Variants in ANKRD55 observed in about 807,000 individuals in gnomAD.
ANKRD55 encodes ankyrin repeat domain-containing protein 55.
Under a neutral mutation model 60.6 loss-of-function variants are expected in ANKRD55, and 41 were observed. The ratio of observed to expected loss-of-function variants is 0.68; its 90% CI spans 0.53 to 0.88. ANKRD55 has a LOEUF of 0.88. Among genes scored for constraint, ANKRD55 ranks in the 40% least tolerant of loss-of-function variants. The probability of loss-of-function intolerance (pLI) is 0.00; values close to 1 mark genes in which losing one functional copy is unlikely to be tolerated. For synonymous variants in ANKRD55, 264 were observed against 290.3 expected (o/e 0.91, Z 0.92); for missense variants, 732 against 767.6 (o/e 0.95, Z 0.55).
At chr5:56,226,442 A>C (rs1760111697) in intron 2 of ANKRD55, among the ~76,000 whole-genome samples, 1 of 152,230 alleles carries the variant, frequency 6.6e-6, no homozygotes, top group African/African-American at 2.4e-5. Flanking sequence ...CACGTCTAAA[A>C]CACCAAAAGC....
At chr5:56,133,237 G>A (rs928774236) in intron 7 of ANKRD55, among the ~76,000 whole-genome samples, 9 of 137,632 alleles carry the variant, frequency 6.5e-5, no homozygotes, top group Admixed American at 1.4e-4. Flanking sequence ...TCGGGAGTTC[G>A]AGACCAGCCT....
intron 2 of ANKRD55, among the ~76,000 whole-genome samples, chr5:56,215,177 G>A (rs1003341650): frequency 6.6e-6 from 1 of 152,142 alleles, no homozygotes; most frequent in African/African-American, 2.4e-5. Context: ...ACTTGTTGCT[G>A]CATAGAACAA....
At chr5:56,171,935 GGT>G (rs1758617474) in intron 4 of ANKRD55, among the ~76,000 whole-genome samples, 1 of 152,134 alleles carries the variant, frequency 6.6e-6, no homozygotes, top group South Asian at 2.1e-4. Flanking sequence ...TGGCTAACAA[GGT>G]TGAAACCCCA....
chr5:56,228,314 G>A (rs947015338), intron 2 of ANKRD55, among the ~76,000 whole-genome samples: 8 of 152,090 alleles, frequency 5.3e-5, no homozygotes, highest in Admixed American at 2.6e-4. Context: ...GCACACAGAC[G>A]AGGCCAAGTG....
intron 2 of ANKRD55, among the ~76,000 whole-genome samples, chr5:56,209,360 C>T (rs563258794): frequency 6.6e-6 from 1 of 152,024 alleles, no homozygotes; most frequent in South Asian, 2.1e-4. Context: ...CTCAGCATTA[C>T]TAATATAATT....
intron 7 of ANKRD55, among the ~76,000 whole-genome samples, chr5:56,139,889 T>C (rs2111751626): frequency 6.6e-6 from 1 of 152,172 alleles, no homozygotes; most frequent in Admixed American, 6.5e-5. Flanking sequence ...ATAGGCAACA[T>C]GGTGAGACTT....
intron 2 of ANKRD55, chr5:56,193,145 C>A: frequency 1.5e-6 from 1 of 681,188 alleles, no homozygotes; most frequent in Non-Finnish European, 2.4e-6. Context: ...AAGATTTAAG[C>A]CCTTTGTAAA....
chr5:56,188,899 G>A (rs112333211), intron 2 of ANKRD55, among the ~76,000 whole-genome samples: 5,940 of 152,098 alleles, frequency 0.039, 151 homozygotes, highest in Non-Finnish European at 0.061. Context: ...AATAAACAGC[G>A]TTGTAATAAA....
chr5:56,141,443 C>T (rs898420356), intron 7 of ANKRD55, among the ~76,000 whole-genome samples: 1 of 152,128 alleles, frequency 6.6e-6, no homozygotes, highest in African/African-American at 2.4e-5. Context: ...CACCCCAGAA[C>T]AACTGAATGA....
intron 2 of ANKRD55, among the ~76,000 whole-genome samples, chr5:56,201,795 A>G (rs1759386973): frequency 6.6e-6 from 1 of 152,254 alleles, no homozygotes; most frequent in Non-Finnish European, 1.5e-5. Flanking sequence ...ATTACTAGGT[A>G]TATACCCCAA....
At chr5:56,121,607 G>T (rs865880817) in intron 8 of ANKRD55, among the ~76,000 whole-genome samples, 8 of 151,938 alleles carry the variant, frequency 5.3e-5, no homozygotes, top group Admixed American at 2.6e-4. Flanking sequence ...TCCTGACCTC[G>T]TGATCCACCC....
chr5:56,127,970 A>G (rs964759432), intron 7 of ANKRD55, among the ~76,000 whole-genome samples: 2 of 152,140 alleles, frequency 1.3e-5, no homozygotes, highest in Non-Finnish European at 2.9e-5. Flanking sequence ...AGTCAGCTAA[A>G]GCTTACTTAG....
intron 9 of ANKRD55, among the ~76,000 whole-genome samples, chr5:56,115,685 A>G (rs1756865522): frequency 2.0e-5 from 3 of 152,294 alleles, no homozygotes; most frequent in South Asian, 4.1e-4. Context: ...ATATAAAACA[A>G]TGCTGCTCTT....
At chr5:56,166,518 C>G (rs1306657852) in intron 5 of ANKRD55, among the ~76,000 whole-genome samples, 1 of 152,096 alleles carries the variant, frequency 6.6e-6, no homozygotes, top group Non-Finnish European at 1.5e-5. Context: ...CTGCCTCTGT[C>G]TCCCAAAGCA....
intron 4 of ANKRD55, among the ~76,000 whole-genome samples, chr5:56,171,856 C>T (rs563185693): frequency 1.0e-3 from 158 of 152,214 alleles, no homozygotes; most frequent in Non-Finnish European, 1.9e-3. Flanking sequence ...GGGTGGCTCA[C>T]GCCTGTAATC....
intron 8 of ANKRD55, among the ~76,000 whole-genome samples, chr5:56,121,262 G>A (rs1757045103): frequency 6.6e-6 from 1 of 152,014 alleles, no homozygotes; most frequent in African/African-American, 2.4e-5. Context: ...CTAATCTAGT[G>A]AGATAACTCA....
At chr5:56,222,254 G>A (rs1759984770) in intron 2 of ANKRD55, among the ~76,000 whole-genome samples, 1 of 152,194 alleles carries the variant, frequency 6.6e-6, no homozygotes, top group Non-Finnish European at 1.5e-5. Flanking sequence ...TGGACCTCCA[G>A]CAAACACCAA....
intron 2 of ANKRD55, among the ~76,000 whole-genome samples, chr5:56,194,863 CTCTT>C (rs1759194109): frequency 1.3e-5 from 2 of 152,292 alleles, no homozygotes; most frequent in South Asian, 4.1e-4. Context: ...TTATTTTAAA[CTCTT>C]TCTAACTACA....
chr5:56,197,779 C>T (rs1170091530), intron 2 of ANKRD55, among the ~76,000 whole-genome samples: 1 of 151,998 alleles, frequency 6.6e-6, no homozygotes, highest in Admixed American at 6.5e-5. Flanking sequence ...GAAAATAAAC[C>T]ACTGATCGGC....
Sources: gnomAD v4.1 joint callset for allele counts (sites outside exome capture counted in the v4.1 genomes callset) on GRCh38, gnomAD v4.1.1 for gene constraint, MANE v1.5 for transcripts, NCBI Gene and HGNC (gene_info 2026-07-23, HGNC 2026-07-21) for gene names.